Variants in DYNC1I1 observed in about 807,000 individuals in gnomAD.
The protein encoded by DYNC1I1 is cytoplasmic dynein 1 intermediate chain 1.
DYNC1I1 carries 43 observed loss-of-function variants against 86.6 expected under a neutral mutation model. That is an observed-to-expected ratio of 0.50 (90% CI 0.39 to 0.64). The LOEUF is 0.64. DYNC1I1 is among the 30% of genes least tolerant of loss of function. The pLI is 0.00. For synonymous variants in DYNC1I1, 262 were observed against 283.7 expected (o/e 0.92, Z 0.77); for missense variants, 604 against 788.8 (o/e 0.77, Z 2.81).
At chr7:95,943,852 A>T (rs928124411) in intron 6 of DYNC1I1, among the ~76,000 whole-genome samples, 3 of 151,668 alleles carry the variant, frequency 2.0e-5, no homozygotes, top group Admixed American at 6.6e-5. Context: ...TCCCTTCCTT[A>T]CACCTTATAC....
chr7:96,075,509 T>G (rs1300016180), intron 14 of DYNC1I1, among the ~76,000 whole-genome samples: 2 of 152,206 alleles, frequency 1.3e-5, no homozygotes, highest in Non-Finnish European at 2.9e-5. Flanking sequence ...TTAAAATATT[T>G]GCACGCATTC....
At chr7:95,880,362 C>G (rs1256981654) in intron 6 of DYNC1I1, among the ~76,000 whole-genome samples, 1 of 152,146 alleles carries the variant, frequency 6.6e-6, no homozygotes, top group African/African-American at 2.4e-5. Context: ...ATACTCCACC[C>G]CCAGAGGAGG....
At chr7:95,875,860 T>A (rs1412808638) in intron 6 of DYNC1I1, among the ~76,000 whole-genome samples, 3 of 152,220 alleles carry the variant, frequency 2.0e-5, no homozygotes, top group Admixed American at 6.5e-5. Flanking sequence ...TAGTCTCCTC[T>A]CAGCTGTCAT....
chr7:95,801,079 G>A (rs1794566595), intron 1 of DYNC1I1, among the ~76,000 whole-genome samples: 1 of 152,178 alleles, frequency 6.6e-6, no homozygotes, highest in South Asian at 2.1e-4. Flanking sequence ...GCATTCTCTT[G>A]AGGTTCCTTA....
chr7:95,970,810 C>A (rs572128043), intron 6 of DYNC1I1, among the ~76,000 whole-genome samples: 1 of 152,042 alleles, frequency 6.6e-6, no homozygotes. Flanking sequence ...TAATTTTACA[C>A]GGTATGAGAT....
chr7:96,071,322 C>T lies in DYNC1I1; in HGVS notation c.1510-4735C>T, dbSNP rs144758178. ...ATCCTTACCACAGGGTAACAAAGCA[C>T]GTAATAAAGCAGTTGTAGAATCACA... On this transcript the variant is annotated intron_variant, in intron 14 of 16. Transcript: ENST00000447467. Among the ~76,000 whole-genome samples, 1,174 of 152,212 alleles carry T rather than the reference C, an allele frequency of 7.7e-3. 11 individuals are homozygous for T. The highest frequency in any genetic ancestry group is 0.027 in the African/African-American group (1,101 of 41,538).
Position 96,035,572 on chromosome 7 carries a change from G to C in DYNC1I1, c.1231-47G>C, listed in dbSNP as rs1463476309. 2.0e-6 allele frequency: 3 copies of C among 1,522,996 alleles called. No homozygotes were observed. In the East Asian group the frequency reaches 7.4e-5, roughly 38 times the overall value. The allele number at this position is 1,522,996 out of a possible 1,614,324, so 94.3% of individuals were successfully genotyped here. On this transcript the variant is annotated intron_variant, in intron 12 of 16. Coordinates refer to ENST00000447467, the MANE Select transcript of DYNC1I1 (RefSeq NM_001135556.2). ...GATTTTTCCGTGCTATCTTTGGCATGGCAAGGAGTTGACAGATGGAAATGT... is the reference window on the plus strand; with the variant it reads ...GATTTTTCCGTGCTATCTTTGGCATCGCAAGGAGTTGACAGATGGAAATGT...
chr7:95,929,497 G>C (rs1402434769), intron 6 of DYNC1I1, among the ~76,000 whole-genome samples: 1 of 152,146 alleles, frequency 6.6e-6, no homozygotes, highest in Non-Finnish European at 1.5e-5. Context: ...AAAGTATGCT[G>C]CTCATTAACA....
At chr7:96,043,431 T>C (rs996796669) in intron 14 of DYNC1I1, among the ~76,000 whole-genome samples, 3 of 151,320 alleles carry the variant, frequency 2.0e-5, no homozygotes, top group African/African-American at 7.3e-5. Flanking sequence ...AGGGATGCAA[T>C]CAACCAAACC....
At chr7:95,869,471 A>C (rs1184693464) in intron 5 of DYNC1I1, among the ~76,000 whole-genome samples, 6 of 144,416 alleles carry the variant, frequency 4.2e-5, no homozygotes, top group Admixed American at 6.9e-5. Flanking sequence ...TAAAGAACCC[A>C]CCTCTCTTTT....
intron 6 of DYNC1I1, among the ~76,000 whole-genome samples, chr7:95,959,928 A>G (rs1422576323): frequency 6.6e-6 from 1 of 152,140 alleles, no homozygotes; most frequent in East Asian, 1.9e-4. Context: ...ATTTTAATAC[A>G]CTACCTCCTT....
At chr7:95,978,637 G>A (rs991569114) in intron 7 of DYNC1I1, among the ~76,000 whole-genome samples, 3 of 152,010 alleles carry the variant, frequency 2.0e-5, no homozygotes, top group African/African-American at 2.4e-5. Flanking sequence ...GATGGTTGTG[G>A]CTCTGGCACA....
At chr7:96,063,130 T>C (rs985142129) in intron 14 of DYNC1I1, among the ~76,000 whole-genome samples, 1 of 127,754 alleles carries the variant, frequency 7.8e-6, no homozygotes, top group African/African-American at 3.6e-5. Flanking sequence ...TGTGTGTGTG[T>C]GTATGTGTGT....
At chr7:95,799,640 G>GTT (rs199827687) in intron 1 of DYNC1I1, among the ~76,000 whole-genome samples, 18 of 143,748 alleles carry the variant, frequency 1.3e-4, no homozygotes, top group African/African-American at 3.8e-4. Context: ...TTTTTAAAAA[G>GTT]TTTTTTTTTT....
intron 6 of DYNC1I1, among the ~76,000 whole-genome samples, chr7:95,920,504 T>G (rs563117090): frequency 5.3e-5 from 8 of 152,326 alleles, no homozygotes; most frequent in Middle Eastern, 3.4e-3. Flanking sequence ...AGTGTCCGTA[T>G]TGGTTGAGAC....
At chr7:96,089,831 C>T (rs147832213) in intron 16 of DYNC1I1, among the ~76,000 whole-genome samples, 392 of 152,132 alleles carry the variant, frequency 2.6e-3, no homozygotes, top group African/African-American at 8.9e-3. Flanking sequence ...TAGCAATAAG[C>T]CTTCTTTTTG....
At chr7:95,783,566 C>T (rs1206881346) in intron 1 of DYNC1I1, among the ~76,000 whole-genome samples, 1 of 152,138 alleles carries the variant, frequency 6.6e-6, no homozygotes, top group African/African-American at 2.4e-5. Flanking sequence ...AGAGATATAA[C>T]AAAGTACAAT....
At chr7:95,987,246 T>C in intron 9 of DYNC1I1, 91 bp downstream of exon 9, 2 of 1,149,618 alleles carry the variant, frequency 1.7e-6, no homozygotes, top group Non-Finnish European at 2.5e-6. Flanking sequence ...TTGCCTACGA[T>C]TTCCTCTCTA....
At chr7:95,898,788 G>A (rs550555810) in intron 6 of DYNC1I1, among the ~76,000 whole-genome samples, 28 of 152,222 alleles carry the variant, frequency 1.8e-4, no homozygotes, top group Non-Finnish European at 2.8e-4. Context: ...TGAAAGAAAC[G>A]CTTTCATGAG....
Sources: gnomAD v4.1 joint callset for allele counts (sites outside exome capture counted in the v4.1 genomes callset) on GRCh38, gnomAD v4.1.1 for gene constraint, MANE v1.5 for transcripts, NCBI Gene and HGNC (gene_info 2026-07-23, HGNC 2026-07-21) for gene names.